The following PSPH variants were observed in gnomAD, a reference collection of about 807,000 sequenced individuals.
PSPH encodes the protein phosphoserine phosphatase.
In PSPH, 16 loss-of-function variants were observed where a neutral mutation model predicts 23.4. The ratio of observed to expected loss-of-function variants is 0.68; its 90% CI spans 0.46 to 1.04. The LOEUF (loss-of-function observed/expected upper bound fraction) is 1.04. PSPH is among the 50% of genes least tolerant of loss of function. The pLI, the probability that PSPH is intolerant of heterozygous loss-of-function variation, is 0.00. For synonymous variants in PSPH, 68 were observed against 99.7 expected (o/e 0.68, Z 1.89); for missense variants, 223 against 273.7 (o/e 0.81, Z 1.31).
intron 1 of PSPH, among the ~76,000 whole-genome samples, chr7:56,047,688 T>G (rs1793437949): frequency 6.6e-6 from 1 of 150,376 alleles, no homozygotes. Context: ...TTTTTTTTGA[T>G]AAGAGCCTCG....
At chr7:56,024,722 TG>T (rs1320904689) in intron 3 of PSPH, among the ~76,000 whole-genome samples, 3 of 151,816 alleles carry the variant, frequency 2.0e-5, no homozygotes, top group African/African-American at 7.3e-5. Flanking sequence ...CACTGCAGCC[TG>T]GGTGACAGAG....
chr7:56,031,237 A>AAAAC (rs1243134428), intron 3 of PSPH, among the ~76,000 whole-genome samples: 1 of 151,596 alleles, frequency 6.6e-6, no homozygotes, highest in Middle Eastern at 3.4e-3. Flanking sequence ...AAAAACAAAC[A>AAAAC]AAACAAACAA....
At chr7:56,027,128 C>T (rs1038917687) in intron 3 of PSPH, among the ~76,000 whole-genome samples, 4 of 151,192 alleles carry the variant, frequency 2.6e-5, no homozygotes, top group African/African-American at 9.7e-5. Context: ...TCGCTTGAAC[C>T]CGGGAGGCAG....
At chr7:56,046,700 C>T (rs1793289466) in intron 1 of PSPH, among the ~76,000 whole-genome samples, 1 of 150,512 alleles carries the variant, frequency 6.6e-6, no homozygotes, top group African/African-American at 2.5e-5. Context: ...AGGAGAATCA[C>T]TTGAACCCAG....
At position 56,023,264 on chromosome 7, in the gene PSPH, A is replaced by G. The variant is rs1481775195; in HGVS notation, c.-19-2033T>C. 6.9e-5 allele frequency among the ~76,000 whole-genome samples: 10 copies of G among 145,442 alleles called. No individual in the cohort carries two copies. In the Admixed American group the frequency reaches 6.9e-4, roughly 10 times the overall value. Reference sequence around the variant, plus strand: ...TGCAGAGGACAGAGAGTCAAAACAAATTTTTTTTTTTTTAGACAAGTTCTC... The same window carrying G: ...TGCAGAGGACAGAGAGTCAAAACAAGTTTTTTTTTTTTTAGACAAGTTCTC... On this transcript the variant is annotated intron_variant, in intron 3 of 7. Coordinates refer to ENST00000275605, the MANE Select transcript of PSPH (RefSeq NM_004577.4).
chr7:56,023,483 C>T (rs1220991213), intron 3 of PSPH, among the ~76,000 whole-genome samples: 1 of 151,830 alleles, frequency 6.6e-6, no homozygotes, highest in Non-Finnish European at 1.5e-5. Context: ...GAATGGTCTT[C>T]AACTCCTGGA....
At chr7:56,024,427 T>C (rs1789896038) in intron 3 of PSPH, among the ~76,000 whole-genome samples, 1 of 152,078 alleles carries the variant, frequency 6.6e-6, no homozygotes. Flanking sequence ...AGAATAATAT[T>C]TTTTGACATG....
intron 4 of PSPH, among the ~76,000 whole-genome samples, chr7:56,019,968 A>G (rs1487148357): frequency 7.1e-6 from 1 of 141,330 alleles, no homozygotes; most frequent in Admixed American, 7.2e-5. Context: ...ATAATCCCAA[A>G]CACTTTGGGA....
In PSPH at chr7:56,017,439, AAC is replaced by A; in HGVS notation, c.276-62_276-61del. ...TAATACAAAAGAAAAAAAAAAAAAA[AAC>A]GAAACATGAAGAGGGAAATAAGATA... is the stretch of plus-strand genomic sequence containing the variant. On this transcript the variant is annotated intron_variant, in intron 5 of 7. Transcript: ENST00000275605. The A allele has an allele frequency of 7.2e-6, 11 of 1,526,998 alleles. No homozygotes were observed. In the South Asian group the frequency reaches 1.1e-4, roughly 15 times the overall value. The allele number at this position is 1,526,998 out of a possible 1,614,324, so 94.6% of individuals were successfully genotyped here. A position where few individuals can be genotyped will look rare whatever the true frequency, so the allele number is the denominator to read the frequency against.
intron 3 of PSPH, among the ~76,000 whole-genome samples, chr7:56,030,163 G>A (rs750381514): frequency 1.7e-4 from 26 of 152,004 alleles, no homozygotes; most frequent in Non-Finnish European, 3.1e-4. Flanking sequence ...AGGCCGGAGT[G>A]CAGTGGTATG....
chr7:56,020,084 T>G (rs939034985), intron 4 of PSPH, among the ~76,000 whole-genome samples: 2 of 151,956 alleles, frequency 1.3e-5, no homozygotes, highest in Admixed American at 1.3e-4. Flanking sequence ...CCAGGTGTGG[T>G]GGTGCACGCC....
At chr7:56,039,968 G>A (rs1428427742) in intron 1 of PSPH, among the ~76,000 whole-genome samples, 103 of 151,600 alleles carry the variant, frequency 6.8e-4, no homozygotes, top group African/African-American at 2.0e-3. Context: ...GCGTGGTGGC[G>A]GGCGCCTGTA....
intron 1 of PSPH, among the ~76,000 whole-genome samples, chr7:56,034,443 G>C (rs535552986): frequency 1.1e-4 from 16 of 152,310 alleles, no homozygotes; most frequent in Admixed American, 3.3e-4. Flanking sequence ...CCGTCGGGGG[G>C]CCTCTTTTGA....
rs147954753 is a variant in PSPH, at chr7:56,050,901, G to A, written c.-292+237C>T. Among the ~76,000 whole-genome samples the A allele has an allele frequency of 2.3e-4, 35 of 152,124 alleles. No individual in the cohort carries two copies. The East Asian group carries it at 6.4e-3, about 28-fold the overall frequency. On this transcript the variant is annotated intron_variant, in intron 1 of 7. Transcript: ENST00000275605. Reference sequence around the variant, plus strand: ...TATTTATTAAAAATAAAATACAGCCGGGCGCGGTGGCTCACGCCTGTAATC... The same window carrying A: ...TATTTATTAAAAATAAAATACAGCCAGGCGCGGTGGCTCACGCCTGTAATC...
chr7:56,034,796 G>A (rs1388480954), intron 1 of PSPH, among the ~76,000 whole-genome samples: 4 of 150,734 alleles, frequency 2.7e-5, no homozygotes, highest in Non-Finnish European at 6.0e-5. Flanking sequence ...GATTACAGGC[G>A]TGAGCCACCA....
rs574125718 is a variant in PSPH, at chr7:56,029,456, C to T, written c.-20+2473G>A. On this transcript the variant is annotated intron_variant, in intron 3 of 7. Transcript: ENST00000275605. ...AGAACTTCTGCCTGGCTGGCCCCAG[C>T]TAGTTCATCTCTTGGCAAGCAAAGG... Among the ~76,000 whole-genome samples the T allele has an allele frequency of 8.0e-4, 113 of 141,446 alleles. 1 individual carries two copies. Among genetic ancestry groups the T allele is most frequent in the Non-Finnish European group, 1.4e-3 (90 of 66,334 alleles). 92.8% of individuals were successfully genotyped at this position (141,446 alleles called of 152,430 possible).
intron 1 of PSPH, among the ~76,000 whole-genome samples, chr7:56,037,420 C>CTTTT (rs533011383): frequency 5.5e-5 from 8 of 145,956 alleles, no homozygotes; most frequent in Non-Finnish European, 6.0e-5. Flanking sequence ...GTTTTCTTTC[C>CTTTT]TTTTTTTTTT....
intron 5 of PSPH, 48 bp from the exon 6 acceptor site, chr7:56,017,427 A>G (rs757652343): frequency 8.5e-6 from 13 of 1,538,014 alleles, no homozygotes; most frequent in South Asian, 1.2e-5. Flanking sequence ...TACAAAAGAA[A>G]AAAAAAAAAA....
intron 5 of PSPH, among the ~76,000 whole-genome samples, chr7:56,019,344 C>T (rs1267045280): frequency 6.6e-6 from 1 of 151,856 alleles, no homozygotes; most frequent in African/African-American, 2.4e-5. Flanking sequence ...GAGGCTGAGG[C>T]AGGAGAATTG....
Sources: allele counts gnomAD v4.1 joint callset (sites outside exome capture counted in the v4.1 genomes callset), GRCh38; gene constraint gnomAD v4.1.1; transcripts MANE v1.5; gene names NCBI Gene and HGNC (gene_info 2026-07-23, HGNC 2026-07-21).